RAF1: variants seen among roughly 807,000 people sequenced by gnomAD.
RAF1 encodes the protein RAF proto-oncogene serine/threonine-protein kinase.
Under a neutral mutation model 81.1 loss-of-function variants are expected in RAF1, and 27 were observed. The ratio of observed to expected loss-of-function variants is 0.33; its 90% CI spans 0.25 to 0.46. RAF1 has a LOEUF of 0.46. RAF1 is among the 20% of genes least tolerant of loss of function. The pLI is 1.00. For missense variants in RAF1, 598 were observed against 826.0 expected, an observed-to-expected ratio of 0.72 and a Z score of 3.38; for synonymous variants, 298 against 294.0, an observed-to-expected ratio of 1.01 and a Z score of -0.14.
chr3:12,590,775 G>C, intron 13 of RAF1, 23 bp downstream of exon 12: 1 of 1,600,772 alleles, frequency 6.2e-7, no homozygotes, highest in Admixed American at 1.7e-5. Flanking sequence ...GGGTCCCAGA[G>C]AGGCATCAGA....
chr3:12,584,772 A>G, intron 17 of RAF1, 75 bp downstream of exon 16: 3 of 1,613,354 alleles, frequency 1.9e-6, no homozygotes, highest in Non-Finnish European at 2.5e-6. Context: ...ACAAAACAAA[A>G]CACTCCCACC....
intron 14 of RAF1, chr3:12,587,119 T>C (rs2058355373): frequency 5.9e-6 from 1 of 168,534 alleles, no homozygotes. Context: ...GTGTGAGCCA[T>C]CACGCCCAGT....
chr3:12,630,022 C>T (rs1169506341), intron 1 of RAF1, among the ~76,000 whole-genome samples: 2 of 152,134 alleles, frequency 1.3e-5, no homozygotes, highest in Non-Finnish European at 2.9e-5. Flanking sequence ...CCTCAAGTGA[C>T]CCTCCCACCT....
chr3:12,642,202 G>A (rs2060208326), intron 1 of RAF1, among the ~76,000 whole-genome samples: 1 of 151,058 alleles, frequency 6.6e-6, no homozygotes, highest in Admixed American at 6.6e-5. Flanking sequence ...GTAAATCCCA[G>A]CACTTTGAGA....
intron 5 of RAF1, chr3:12,608,487 A>T (rs1227093923): frequency 2.2e-6 from 1 of 464,050 alleles, no homozygotes; most frequent in Non-Finnish European, 3.9e-6. Context: ...TCTTGTTTTC[A>T]TATCCTTTTG....
At chr3:12,617,574 A>G (rs1575598306) in intron 2 of RAF1, among the ~76,000 whole-genome samples, 1 of 152,114 alleles carries the variant, frequency 6.6e-6, no homozygotes, top group East Asian at 1.9e-4. Flanking sequence ...TGAGAGCTAA[A>G]TTCTTAGAAA....
intron 1 of RAF1, among the ~76,000 whole-genome samples, chr3:12,652,515 G>A (rs1022178627): frequency 1.6e-4 from 24 of 150,078 alleles, no homozygotes; most frequent in Non-Finnish European, 2.8e-4. Context: ...AGCTAGACTC[G>A]GTCTCAAAGA....
At chr3:12,624,370 G>T (rs925802490) in intron 1 of RAF1, among the ~76,000 whole-genome samples, 1 of 151,946 alleles carries the variant, frequency 6.6e-6, no homozygotes, top group Non-Finnish European at 1.5e-5. Context: ...AAAACAAGGA[G>T]GAAAAAGCAT....
intron 1 of RAF1, among the ~76,000 whole-genome samples, chr3:12,626,057 G>A (rs914034224): frequency 2.6e-5 from 4 of 151,350 alleles, no homozygotes; most frequent in Admixed American, 6.6e-5. Flanking sequence ...CCTGAGGTCA[G>A]GAGTTTGAGA....
At chr3:12,636,387 G>A (rs537530625) in intron 1 of RAF1, among the ~76,000 whole-genome samples, 6 of 149,806 alleles carry the variant, frequency 4.0e-5, no homozygotes, top group East Asian at 2.0e-4. Flanking sequence ...TGGAAGAATC[G>A]CTTAAGCCCA....
intron 1 of RAF1, among the ~76,000 whole-genome samples, chr3:12,652,011 AAAATAAAT>A (rs58806427): frequency 0.38 from 51,536 of 136,442 alleles, 10,638 homozygotes; most frequent in East Asian, 0.84. Flanking sequence ...CTCCATCTCT[AAAATAAAT>A]AAATAAATAA....
At chr3:12,610,031 C>CTTAT (rs2059160577) in intron 3 of RAF1, among the ~76,000 whole-genome samples, 1 of 152,142 alleles carries the variant, frequency 6.6e-6, no homozygotes, top group Non-Finnish European at 1.5e-5. Context: ...GTTGTAGGGT[C>CTTAT]TATAAGTCAA....
chr3:12,612,122 G>A, intron 2 of RAF1, 60 bp from the exon 3 acceptor site: 1 of 1,346,060 alleles, frequency 7.4e-7, no homozygotes, highest in Non-Finnish European at 1.1e-6. Flanking sequence ...TGGAAAGGTG[G>A]GCACAGAAAT....
chr3:12,660,353 G>A (rs976142026), intron 1 of RAF1, among the ~76,000 whole-genome samples: 2 of 151,656 alleles, frequency 1.3e-5, no homozygotes, highest in Non-Finnish European at 2.9e-5. Flanking sequence ...CTGGAGTACA[G>A]TGGCATGAAC....
At position 12,600,263 on chromosome 3, in the gene RAF1, C is replaced by T. The variant is rs751423587; in HGVS notation, c.939G>A (p.Leu313=). ...GGCTCAGATTGTTGGGGCTACTGGA[C>T]AGGGCTGAAGGTGAGGCTTAATAGA... Residue 313 remains leucine (L), a synonymous_variant, in exon 10 of 18, where the codon CTG becomes CTA. Transcript: ENST00000442415. 1 of 1,614,118 alleles carries T rather than the reference C, an allele frequency of 6.2e-7. No individual in the cohort carries two copies. The highest frequency in any genetic ancestry group is 1.1e-5 in the South Asian group (1 of 91,080).
chr3:12,587,506 A>T, intron 14 of RAF1, 85 bp downstream of exon 13: 1 of 1,270,332 alleles, frequency 7.9e-7, no homozygotes, highest in Non-Finnish European at 1.2e-6. Flanking sequence ...CCTGGCACCG[A>T]GAGCCACTTG....
intron 5 of RAF1, among the ~76,000 whole-genome samples, chr3:12,606,634 G>A (rs1005191317): frequency 2.0e-5 from 3 of 151,754 alleles, no homozygotes; most frequent in Admixed American, 6.6e-5. Flanking sequence ...TCCACCTCCC[G>A]GGTTCTCCTG....
intron 1 of RAF1, among the ~76,000 whole-genome samples, chr3:12,663,484 G>A (rs2060947617): frequency 2.0e-5 from 3 of 152,332 alleles, no homozygotes; most frequent in South Asian, 2.1e-4. Context: ...GCCCATCCAA[G>A]TGACAACAGA....
chr3:12,596,627 T>C (rs1005106845), intron 11 of RAF1, among the ~76,000 whole-genome samples: 4 of 152,204 alleles, frequency 2.6e-5, no homozygotes, highest in African/African-American at 9.7e-5. Context: ...TCTGCTTTAC[T>C]TCCATAAGTG....
Sources: gnomAD v4.1 joint callset for allele counts (sites outside exome capture counted in the v4.1 genomes callset) on GRCh38, gnomAD v4.1.1 for gene constraint, MANE v1.5 for transcripts, NCBI Gene and HGNC (gene_info 2026-07-23, HGNC 2026-07-21) for gene names.